ADGRV1: variants seen among roughly 807,000 people sequenced by gnomAD.
ADGRV1 encodes the protein adhesion G protein-coupled receptor V1.
ADGRV1 carries 359 observed loss-of-function variants against 596.2 expected under a neutral mutation model. The ratio of observed to expected loss-of-function variants is 0.60; its 90% CI spans 0.55 to 0.66. ADGRV1 has a LOEUF of 0.66. ADGRV1 is among the 30% of genes least tolerant of loss of function. ADGRV1 has a pLI of 0.00. For missense variants in ADGRV1, 7,274 were observed against 7,575.6 expected (o/e 0.96, Z 1.48); for synonymous variants, 2,681 against 2,679.2 (o/e 1.00, Z -0.02).
At chr5:90,993,093 T>C (rs1781102177) in intron 85 of ADGRV1, among the ~76,000 whole-genome samples, 1 of 151,870 alleles carries the variant, frequency 6.6e-6, no homozygotes, top group South Asian at 2.1e-4. Context: ...CCCATTATCT[T>C]TAGTGCTTGT....
chr5:90,634,765 A>G (rs748333590), intron 9 of ADGRV1, among the ~76,000 whole-genome samples: 1 of 152,162 alleles, frequency 6.6e-6, no homozygotes, highest in East Asian at 1.9e-4. Context: ...TGGATATTGT[A>G]TATGTAAGGT....
intron 87 of ADGRV1, among the ~76,000 whole-genome samples, chr5:91,117,596 C>T (rs1229915709): frequency 6.6e-6 from 1 of 152,128 alleles, no homozygotes; most frequent in Non-Finnish European, 1.5e-5. Flanking sequence ...CTTCATCATG[C>T]ACTGCAACGC....
intron 25 of ADGRV1, among the ~76,000 whole-genome samples, chr5:90,676,600 C>T (rs984867158): frequency 2.7e-4 from 41 of 152,070 alleles, no homozygotes; most frequent in African/African-American, 8.2e-4. Context: ...ACAGCATGTT[C>T]GTGCTATTTT....
chr5:90,902,135 G>A (rs1287169799), intron 83 of ADGRV1, among the ~76,000 whole-genome samples: 4 of 152,088 alleles, frequency 2.6e-5, no homozygotes, highest in Non-Finnish European at 5.9e-5. Flanking sequence ...AGTCAAGGAA[G>A]ATCCCTGGGT....
At chr5:90,634,769 G>A (rs925264909) in intron 9 of ADGRV1, among the ~76,000 whole-genome samples, 6 of 151,994 alleles carry the variant, frequency 3.9e-5, no homozygotes, top group African/African-American at 1.5e-4. Context: ...TATTGTATAT[G>A]TAAGGTGTTT....
intron 85 of ADGRV1, among the ~76,000 whole-genome samples, chr5:91,038,300 A>G (rs1038587219): frequency 6.6e-6 from 1 of 152,222 alleles, no homozygotes; most frequent in African/African-American, 2.4e-5. Flanking sequence ...TCTGATGGCA[A>G]TGCAAAGGCA....
At chr5:90,672,279 A>C (rs1772592067) in intron 21 of ADGRV1, among the ~76,000 whole-genome samples, 1 of 152,250 alleles carries the variant, frequency 6.6e-6, no homozygotes, top group Admixed American at 6.5e-5. Flanking sequence ...AGGAGGTATC[A>C]ATGAATGAAT....
At chr5:90,636,116 A>T (rs1468199933) in intron 10 of ADGRV1, among the ~76,000 whole-genome samples, 1 of 152,016 alleles carries the variant, frequency 6.6e-6, no homozygotes, top group East Asian at 1.9e-4. Context: ...TTGCATATAG[A>T]CATACAAAAC....
chr5:90,678,252 T>C (rs1744500773), intron 25 of ADGRV1, among the ~76,000 whole-genome samples: 1 of 152,104 alleles, frequency 6.6e-6, no homozygotes, highest in South Asian at 2.1e-4. Context: ...AGGATATTGG[T>C]AGAAGCGTAT....
chr5:90,843,758 G>T (rs1030682985), intron 78 of ADGRV1, among the ~76,000 whole-genome samples: 5 of 152,094 alleles, frequency 3.3e-5, no homozygotes, highest in African/African-American at 1.2e-4. Context: ...GCAAATACAC[G>T]TGTGATGAGA....
In ADGRV1 at chr5:90,759,605, A is replaced by G; in HGVS notation, c.12120+17A>G. On this transcript the variant is annotated intron_variant, in intron 58 of 89. Coordinates refer to ENST00000405460, the MANE Select transcript of ADGRV1 (RefSeq NM_032119.4). ...GAAAAGACTGTAAGTTAAACATATCAGGGGAAAGCCTTGTTTCAGGCTAGC... is the reference window on the plus strand; with the variant it reads ...GAAAAGACTGTAAGTTAAACATATCGGGGGAAAGCCTTGTTTCAGGCTAGC... The G allele has an allele frequency of 3.7e-6, 6 of 1,603,288 alleles. No individual in the cohort carries two copies. The highest frequency in any genetic ancestry group is 4.3e-6 in the Non-Finnish European group (5 of 1,170,968).
At chr5:90,616,920 C>T (rs1479605909) in intron 2 of ADGRV1, among the ~76,000 whole-genome samples, 2 of 152,206 alleles carry the variant, frequency 1.3e-5, no homozygotes, top group African/African-American at 4.8e-5. Context: ...CTGGTAACCA[C>T]CATTCTACTC....
intron 9 of ADGRV1, 34 bp downstream of exon 9, chr5:90,629,573 T>A (rs368574760): frequency 2.4e-5 from 35 of 1,463,920 alleles, no homozygotes; most frequent in Non-Finnish European, 3.2e-5. Flanking sequence ...GTAATTTTGG[T>A]TAACCTTCAA....
intron 83 of ADGRV1, among the ~76,000 whole-genome samples, chr5:90,896,019 A>G (rs143886673): frequency 6.6e-6 from 1 of 150,534 alleles, no homozygotes; most frequent in African/African-American, 2.4e-5. Flanking sequence ...CTTGAATTCC[A>G]TTCTCGGAGG....
At chr5:90,842,345 C>G (rs1429662505) in intron 78 of ADGRV1, among the ~76,000 whole-genome samples, 1 of 152,038 alleles carries the variant, frequency 6.6e-6, no homozygotes, top group Non-Finnish European at 1.5e-5. Flanking sequence ...GCAAACAGTA[C>G]AATTTTCTCA....
chr5:90,810,112 A>G (rs1325530816), intron 73 of ADGRV1, 121 bp from the exon 74 acceptor site: 3 of 755,396 alleles, frequency 4.0e-6, no homozygotes. Flanking sequence ...TTGAAATGGC[A>G]CGTCATTGTT....
intron 29 of ADGRV1, among the ~76,000 whole-genome samples, 176 bp downstream of exon 29, chr5:90,686,171 G>T (rs549237090): frequency 1.7e-4 from 25 of 149,196 alleles, no homozygotes; most frequent in East Asian, 1.6e-3. Flanking sequence ...TTGGGGGGGG[G>T]GATGGAGTCT....
chr5:90,830,204 A>G (rs1027973981), intron 77 of ADGRV1, among the ~76,000 whole-genome samples: 7 of 152,168 alleles, frequency 4.6e-5, no homozygotes, highest in Admixed American at 6.6e-5. Flanking sequence ...GCCAGGCAGT[A>G]AAACTTATCT....
chr5:90,939,339 T>C (rs1775977551), intron 83 of ADGRV1, among the ~76,000 whole-genome samples: 1 of 152,216 alleles, frequency 6.6e-6, no homozygotes, highest in African/African-American at 2.4e-5. Flanking sequence ...GACTTACACA[T>C]TTTGTTCTGA....
Sources: allele counts gnomAD v4.1 joint callset (sites outside exome capture counted in the v4.1 genomes callset), GRCh38; gene constraint gnomAD v4.1.1; transcripts MANE v1.5; gene names NCBI Gene and HGNC (gene_info 2026-07-23, HGNC 2026-07-21).